The following CDS1 variants were observed in gnomAD, a reference collection of about 807,000 sequenced individuals.
CDS1 encodes phosphatidate cytidylyltransferase 1.
In CDS1, 41 loss-of-function variants were observed where a neutral mutation model predicts 62.1. The observed-to-expected ratio is 0.66, with a 90% confidence interval of 0.51 to 0.86. The LOEUF (loss-of-function observed/expected upper bound fraction) is 0.86, where lower values mean the gene tolerates loss of function less well. Among genes scored for constraint, CDS1 ranks in the 40% least tolerant of loss-of-function variants. The pLI is 0.00. For synonymous variants in CDS1, 185 were observed against 192.6 expected (o/e 0.96, Z 0.32); for missense variants, 470 against 550.1 (o/e 0.85, Z 1.46).
chr4:84,584,998 C>T (rs1722372165), intron 1 of CDS1, among the ~76,000 whole-genome samples: 1 of 152,202 alleles, frequency 6.6e-6, no homozygotes, highest in Non-Finnish European at 1.5e-5. Flanking sequence ...GAAATACCAG[C>T]TTCTCTATGC....
At chr4:84,600,763 A>G (rs929402948) in intron 1 of CDS1, among the ~76,000 whole-genome samples, 7 of 152,134 alleles carry the variant, frequency 4.6e-5, no homozygotes, top group Non-Finnish European at 1.0e-4. Flanking sequence ...TGGCTCTTCT[A>G]TGTTCTTTGC....
intron 1 of CDS1, among the ~76,000 whole-genome samples, chr4:84,598,126 C>CAAAAAAAAAAAA (rs879924741): frequency 1.2e-5 from 1 of 82,986 alleles, no homozygotes. Flanking sequence ...ACTCCATCTC[C>CAAAAAAAAAAAA]AAAAAAAAAA....
intron 2 of CDS1, among the ~76,000 whole-genome samples, chr4:84,609,181 A>C (rs1288880686): frequency 1.7e-5 from 2 of 119,694 alleles, no homozygotes; most frequent in South Asian, 2.6e-4. Context: ...ACTCCGTCTC[A>C]AAAAAAAAAA....
intron 5 of CDS1, among the ~76,000 whole-genome samples, chr4:84,627,676 A>G (rs1235794331): frequency 2.6e-5 from 4 of 152,136 alleles, no homozygotes; most frequent in Non-Finnish European, 4.4e-5. Context: ...TCTTATGGAG[A>G]TAATATGACT....
At position 84,650,929 on chromosome 4, in the gene CDS1, A is replaced by G. The variant is rs932318406; in HGVS notation, c.*2243A>G. 1 of 152,180 alleles carries G rather than the reference A, an allele frequency of 6.6e-6. No individual in the cohort carries two copies. Among genetic ancestry groups the G allele is most frequent in the African/African-American group, 2.4e-5 (1 of 41,438 alleles). The allele number at this position is 152,180 out of a possible 1,614,324, so 9.4% of individuals were successfully genotyped here. ...CACTGTGAAGAGGGCTTAAATTCCA[A>G]TGTAGCAATGTGGTGGCAGACAAAT... On this transcript the variant is annotated 3_prime_UTR_variant, in exon 13 of 13. Coordinates refer to ENST00000295887, the MANE Select transcript of CDS1 (RefSeq NM_001263.4).
chr4:84,635,620 T>C (rs1487640567), intron 8 of CDS1, among the ~76,000 whole-genome samples: 1 of 106,390 alleles, frequency 9.4e-6, no homozygotes, highest in Non-Finnish European at 2.0e-5. Context: ...CCTGCCTGCC[T>C]GCCTGCCTTC....
chr4:84,640,551 A>G (rs1724347046), intron 9 of CDS1, among the ~76,000 whole-genome samples: 1 of 152,136 alleles, frequency 6.6e-6, no homozygotes, highest in Non-Finnish European at 1.5e-5. Flanking sequence ...TGTGTGCAGT[A>G]TACTTCAGTT....
intron 5 of CDS1, among the ~76,000 whole-genome samples, chr4:84,630,086 C>T (rs1294126189): frequency 6.6e-6 from 1 of 152,080 alleles, no homozygotes; most frequent in East Asian, 1.9e-4. Flanking sequence ...CCTTTAACCA[C>T]GGATCAGTGG....
intron 1 of CDS1, among the ~76,000 whole-genome samples, chr4:84,599,404 A>ATGTG: frequency 1.5e-4 from 1 of 6,610 alleles, no homozygotes; most frequent in Admixed American, 2.3e-3. Context: ...ACACACACAC[A>ATGTG]CATATATATA....
At chr4:84,612,988 C>CAAAA (rs779175772) in intron 3 of CDS1, among the ~76,000 whole-genome samples, 1 of 60,626 alleles carries the variant, frequency 1.6e-5, no homozygotes, top group Non-Finnish European at 3.4e-5. Flanking sequence ...GATCCTGTCT[C>CAAAA]AAAAAAAAAA....
chr4:84,632,670 C>T (rs1379906810), intron 6 of CDS1, among the ~76,000 whole-genome samples: 1 of 151,940 alleles, frequency 6.6e-6, no homozygotes, highest in African/African-American at 2.4e-5. Context: ...GTAGAATATC[C>T]AGTGAAAATG....
chr4:84,583,386 AGC>A lies in CDS1; in HGVS notation c.-12_-11del. On this transcript the variant is annotated 5_prime_UTR_variant, in exon 1 of 13. Coordinates refer to ENST00000295887, the MANE Select transcript of CDS1 (RefSeq NM_001263.4). ...GGGTGCTTGAGGAGGCCGCCACGGC[AGC>A]GCGGGAGCGGAAGATGTTGGAGCTG... is the stretch of plus-strand genomic sequence containing the variant. 6.3e-7 allele frequency: 1 copy of A among 1,576,184 alleles called. No individual in the cohort carries two copies. Among genetic ancestry groups the A allele is most frequent in the Non-Finnish European group, 8.7e-7 (1 of 1,152,484 alleles).
intron 5 of CDS1, among the ~76,000 whole-genome samples, chr4:84,626,904 T>C (rs1723880137): frequency 6.6e-6 from 1 of 152,210 alleles, no homozygotes. Flanking sequence ...TTTTGTTTGC[T>C]GAGTCTTGAG....
At chr4:84,598,472 T>C (rs1722826535) in intron 1 of CDS1, among the ~76,000 whole-genome samples, 1 of 151,912 alleles carries the variant, frequency 6.6e-6, no homozygotes, top group Admixed American at 6.5e-5. Flanking sequence ...CGTGCAGGTT[T>C]GTTACATATG....
chr4:84,625,782 C>G (rs532213557), intron 5 of CDS1, among the ~76,000 whole-genome samples: 49 of 151,694 alleles, frequency 3.2e-4, no homozygotes, highest in African/African-American at 9.2e-4. Flanking sequence ...CATGATCAGG[C>G]AGACTAGATA....
chr4:84,608,519 A>G (rs1040155157), intron 2 of CDS1, among the ~76,000 whole-genome samples: 1 of 152,206 alleles, frequency 6.6e-6, no homozygotes, highest in African/African-American at 2.4e-5. Flanking sequence ...CAAAGAAAGC[A>G]GTCAATACAC....
chr4:84,608,274 C>T (rs913524444), intron 2 of CDS1, among the ~76,000 whole-genome samples: 5 of 152,198 alleles, frequency 3.3e-5, no homozygotes, highest in East Asian at 1.9e-4. Flanking sequence ...CCCGGGTTCA[C>T]GCCATTCTCC....
At chr4:84,595,717 G>A (rs1722728541) in intron 1 of CDS1, among the ~76,000 whole-genome samples, 1 of 152,152 alleles carries the variant, frequency 6.6e-6, no homozygotes, top group Non-Finnish European at 1.5e-5. Context: ...TCATTAATAA[G>A]ATCTCAGGTA....
chr4:84,605,414 G>A (rs573188991), intron 2 of CDS1, among the ~76,000 whole-genome samples: 20 of 151,338 alleles, frequency 1.3e-4, no homozygotes, highest in African/African-American at 3.6e-4. Flanking sequence ...TAGTTTAGTC[G>A]TATCTAGTAA....
Sources: allele counts gnomAD v4.1 joint callset (sites outside exome capture counted in the v4.1 genomes callset), GRCh38; gene constraint gnomAD v4.1.1; transcripts MANE v1.5; gene names NCBI Gene and HGNC (gene_info 2026-07-23, HGNC 2026-07-21).